Variants in SLC38A3 observed in about 807,000 individuals in gnomAD.
SLC38A3 encodes sodium-coupled neutral amino acid transporter 3.
Under a neutral mutation model 59.5 loss-of-function variants are expected in SLC38A3, and 17 were observed. That is an observed-to-expected ratio of 0.29 (90% CI 0.20 to 0.43). The LOEUF (loss-of-function observed/expected upper bound fraction) is 0.43, where lower values mean the gene tolerates loss of function less well. SLC38A3 is among the 20% of genes least tolerant of loss of function. The pLI, the probability that SLC38A3 is intolerant of heterozygous loss-of-function variation, is 1.00. For missense variants in SLC38A3, 454 were observed against 653.9 expected, an observed-to-expected ratio of 0.69 and a Z score of 3.33; for synonymous variants, 238 against 260.3, an observed-to-expected ratio of 0.91 and a Z score of 0.82.
rs535892858 is a variant in SLC38A3, at chr3:50,209,168, C to T, written c.-52+3820C>T. Among the ~76,000 whole-genome samples, 13 of 152,336 alleles carry T rather than the reference C, an allele frequency of 8.5e-5. No individual in the cohort carries two copies. The South Asian group carries it at 2.1e-3, about 24-fold the overall frequency. ...TGCCTCAGCTGGGCCTCCGGCTGCA[C>T]GTCCTTCTCAGCAGGCTGGCAATGG... On this transcript the variant is annotated intron_variant, in intron 1 of 15. Coordinates refer to ENST00000614032, the MANE Select transcript of SLC38A3 (RefSeq NM_006841.6).
At chr3:50,213,290 C>G (rs1354776535) in intron 1 of SLC38A3, among the ~76,000 whole-genome samples, 1 of 152,028 alleles carries the variant, frequency 6.6e-6, no homozygotes. Context: ...TCCTGGACAG[C>G]GGGCCCCTGA....
At chr3:50,213,063 G>A (rs943184435) in intron 1 of SLC38A3, among the ~76,000 whole-genome samples, 10 of 152,204 alleles carry the variant, frequency 6.6e-5, no homozygotes, top group Non-Finnish European at 1.0e-4. Context: ...GGCAATTCCT[G>A]GACCCAGTGA....
In SLC38A3 at chr3:50,214,412, C is replaced by A. The variant is rs924876703; in HGVS notation, c.112C>A (p.Pro38Thr). ...PMAGNQRVED[P>T]ARSCMEGKSF... ...GACCTGTGCCTACAGGGTCGAGGAC[C>A]CTGCACGGAGCTGTATGGAGGGCAA... Residue 38 changes from proline (P) to threonine (T), a missense_variant, in exon 3 of 16, where the codon CCT becomes ACT. Pro to Thr is a conservative substitution (Grantham distance 38, BLOSUM62 -1). Coordinates refer to ENST00000614032, the MANE Select transcript of SLC38A3 (RefSeq NM_006841.6). The surrounding 1 kb of genome is among the most constrained non-coding windows in gnomAD (Gnocchi z 6.0). 5.0e-6 allele frequency: 8 copies of A among 1,587,420 alleles called. No individual in the cohort carries two copies. The highest frequency in any genetic ancestry group is 1.8e-5 in the Admixed American group (1 of 55,088).
In SLC38A3 at chr3:50,214,427, A is replaced by G. The variant is rs1227590540; in HGVS notation, c.127A>G (p.Met43Val). The part of the protein sequence containing the change: ...QRVEDPARSC[M>V]EGKSFLQKSP... ...GGTCGAGGACCCTGCACGGAGCTGT[A>G]TGGAGGGCAAGAGCTTCCTACAGAA... The change falls in exon 3 of 16, where the codon ATG (methionine) becomes GTG (valine). Residue 43 changes from methionine (M) to valine (V), a missense_variant. Physicochemically the swap from Met to Val is conservative, Grantham distance 21. Coordinates refer to ENST00000614032, the MANE Select transcript of SLC38A3 (RefSeq NM_006841.6). The surrounding 1 kb of genome is among the most constrained non-coding windows in gnomAD (Gnocchi z 6.0). 2 of 1,581,374 alleles carry G rather than the reference A, an allele frequency of 1.3e-6. No homozygotes were observed. The highest frequency in any genetic ancestry group is 8.6e-7 in the Non-Finnish European group (1 of 1,163,782).
chr3:50,208,201 C>T (rs1699670671), intron 1 of SLC38A3, among the ~76,000 whole-genome samples: 2 of 152,188 alleles, frequency 1.3e-5, no homozygotes, highest in South Asian at 4.1e-4. Context: ...CAGCTGGGCC[C>T]CCTGGCTCCC....
chr3:50,220,053 C>G lies in SLC38A3; in HGVS notation c.1411-20C>G. On this transcript the variant is annotated intron_variant, in intron 15 of 15. Coordinates refer to ENST00000614032, the MANE Select transcript of SLC38A3 (RefSeq NM_006841.6). ...GAACTGCCCTGACCTCGGACCTGAC[C>G]CTGACTTCTGATTCCACAGGCCCTG... is the stretch of plus-strand genomic sequence containing the variant. 1.2e-6 allele frequency: 2 copies of G among 1,603,090 alleles called. No individual in the cohort carries two copies. Among genetic ancestry groups the G allele is most frequent in the Non-Finnish European group, 1.7e-6 (2 of 1,174,186 alleles).
rs587625542 is a variant in SLC38A3 at position 50,217,725 on chromosome 3, A to G, written c.740A>G (p.Asn247Ser). Reference sequence around the variant, plus strand: ...CCCTGCCCACTGCCCCCCAACTTCAACAACACCACAGGCAACTTCAGCCAC... The same window carrying G: ...CCCTGCCCACTGCCCCCCAACTTCAGCAACACCACAGGCAACTTCAGCCAC... ...HVPCPLPPNF[N>S]NTTGNFSHVE... is the part of the protein sequence containing the mutation. The change falls in exon 10 of 16, where the codon AAC becomes AGC. Residue 247 changes from asparagine to serine, a missense_variant. This residue lies in a region of SLC38A3 where 390 missense variants were observed against 557.9 expected (regional missense o/e 0.70). Transcript: ENST00000614032. The surrounding 1 kb of genome is among the most constrained non-coding windows in gnomAD (Gnocchi z 4.9). 1.1e-5 allele frequency: 18 copies of G among 1,613,834 alleles called. 1 individual carries two copies. The African/African-American group carries it at 1.3e-4, about 12-fold the overall frequency.
In SLC38A3 at chr3:50,214,705, T is replaced by C; in HGVS notation, c.236T>C (p.Ile79Thr). The C allele has an allele frequency of 1.2e-6, 2 of 1,607,826 alleles. No homozygotes were observed. Among genetic ancestry groups the C allele is most frequent in the Non-Finnish European group, 1.7e-6 (2 of 1,176,348 alleles). ...TCAGTGTTCAACCTCAGCAATGCCA[T>C]CATGGGCAGCGGCATCCTGGGACTC... is the stretch of plus-strand genomic sequence containing the variant. ...GMSVFNLSNA[I>T]MGSGILGLAY... Residue 79 changes from isoleucine (I) to threonine (T), a missense_variant, in exon 4 of 16, where the codon ATC (isoleucine) becomes ACC (threonine). By Grantham distance (89) the Ile-to-Thr change is moderately conservative. Around this residue, in one of 3 missense-constraint regions of SLC38A3, gnomAD observed 390 missense variants for 557.9 expected, o/e 0.70. Transcript: ENST00000614032. The surrounding 1 kb of genome is among the most constrained non-coding windows in gnomAD (Gnocchi z 6.0).
In SLC38A3 at chr3:50,216,900, G is replaced by A. The variant is rs188590165; in HGVS notation, c.549-338G>A. Reference sequence around the variant, plus strand: ...TGATTCTCCTGCCTCAGTCTCCTGAGTAGCTGAGATTATAGGCGTGTGCCA... The same window carrying A: ...TGATTCTCCTGCCTCAGTCTCCTGAATAGCTGAGATTATAGGCGTGTGCCA... On this transcript the variant is annotated intron_variant, in intron 7 of 15. Transcript: ENST00000614032. 9.9e-4 allele frequency among the ~76,000 whole-genome samples: 151 copies of A among 152,328 alleles called. 1 individual carries two copies. The Middle Eastern group carries it at 0.031, about 31-fold the overall frequency.
In SLC38A3 at chr3:50,218,695, C is replaced by T; in HGVS notation, c.1139C>T (p.Thr380Ile). The T allele has an allele frequency of 6.2e-7, 1 of 1,612,144 alleles. No homozygotes were observed. Among genetic ancestry groups the T allele is most frequent in the Non-Finnish European group, 8.5e-7 (1 of 1,178,340 alleles). Residue 380 changes from threonine to isoleucine, a missense_variant, in exon 13 of 16, where the codon ACA (threonine) becomes ATA (isoleucine). Physicochemically the swap from Thr to Ile is moderately conservative, Grantham distance 89 (BLOSUM62 -1). Transcript: ENST00000614032. The surrounding 1 kb of genome is among the most constrained non-coding windows in gnomAD (Gnocchi z 5.8). Reference protein sequence around the residue: ...RVAVLTAVTLTVPIVLFPVRR... With the variant: ...RVAVLTAVTLIVPIVLFPVRR... ...GCCGTGCTGACAGCAGTCACGCTCA[C>T]AGTGCCCATCGTTCTGTTCCCGGTG...
In SLC38A3 at chr3:50,214,040, T is replaced by C. The variant is rs1290609320; in HGVS notation, c.-51-109T>C. 9 of 643,968 alleles carry C rather than the reference T, an allele frequency of 1.4e-5. No individual in the cohort carries two copies. The highest frequency in any genetic ancestry group is 8.3e-6 in the Non-Finnish European group (3 of 363,042). The allele number at this position is 643,968 out of a possible 1,614,324, so 39.9% of individuals were successfully genotyped here. A position where few individuals can be genotyped will look rare whatever the true frequency, so the allele number is the denominator to read the frequency against. On this transcript the variant is annotated intron_variant, in intron 1 of 15. Coordinates refer to ENST00000614032, the MANE Select transcript of SLC38A3 (RefSeq NM_006841.6). This position sits in a 1 kb window ranked among gnomAD's most constrained non-coding sequence, Gnocchi z 6.0. ...GTAGGCAGAGCTGCATGTGTGGATA[T>C]GCCCCGAGTGACCATCTGGGAGGTG...
intron 14 of SLC38A3, 78 bp from the exon 15 acceptor site, chr3:50,219,803 C>T (rs1178591715): frequency 1.5e-5 from 18 of 1,184,570 alleles, no homozygotes; most frequent in South Asian, 2.7e-5. Flanking sequence ...AGTGTTTGAT[C>T]TCATTGAAGA....
rs1450180738 is a variant in SLC38A3 at position 50,215,858 on chromosome 3, G to A, written c.548+37G>A. 13 of 868,130 alleles carry A rather than the reference G, an allele frequency of 1.5e-5. No homozygotes were observed. The highest frequency in any genetic ancestry group is 2.9e-5 in the East Asian group (1 of 34,720). The allele number at this position is 868,130 out of a possible 1,614,324, so 53.8% of individuals were successfully genotyped here. A position where few individuals can be genotyped will look rare whatever the true frequency, so the allele number is the denominator to read the frequency against. On this transcript the variant is annotated intron_variant, in intron 7 of 15. Coordinates refer to ENST00000614032, the MANE Select transcript of SLC38A3 (RefSeq NM_006841.6). This position sits in a 1 kb window ranked among gnomAD's most constrained non-coding sequence, Gnocchi z 7.1. ...CGTGGGGAGGGGAGGGGAGGGGTGCGGTGCAGTGAGGAGGGGTGGGGTGGG... is the reference window on the plus strand; with the variant it reads ...CGTGGGGAGGGGAGGGGAGGGGTGCAGTGCAGTGAGGAGGGGTGGGGTGGG...
At chr3:50,213,204 C>T (rs114561902) in intron 1 of SLC38A3, among the ~76,000 whole-genome samples, 1 of 152,244 alleles carries the variant, frequency 6.6e-6, no homozygotes, top group Non-Finnish European at 1.5e-5. Context: ...GTGACCCAGG[C>T]TCCTCTACAG....
rs1490466621 is a variant in SLC38A3 at position 50,214,968 on chromosome 3, C to T, written c.299+200C>T. ...CTGCCCAGTAAACCGACTGAGGTCA[C>T]AACACAGGCCGGTCTTACAGGCCAG... On this transcript the variant is annotated intron_variant, in intron 4 of 15. Transcript: ENST00000614032. The surrounding 1 kb of genome is among the most constrained non-coding windows in gnomAD (Gnocchi z 6.0). 4.9e-6 allele frequency: 3 copies of T among 606,316 alleles called. No individual in the cohort carries two copies. The highest frequency in any genetic ancestry group is 8.7e-6 in the Non-Finnish European group (3 of 342,964). The allele number at this position is 606,316 out of a possible 1,614,324, so 37.6% of individuals were successfully genotyped here.
In SLC38A3 at chr3:50,217,359, G is replaced by A. The variant is rs1699832766; in HGVS notation, c.631+39G>A. 6.2e-7 allele frequency: 1 copy of A among 1,611,338 alleles called. No homozygotes were observed. Among genetic ancestry groups the A allele is most frequent in the Non-Finnish European group, 8.5e-7 (1 of 1,178,294 alleles). On this transcript the variant is annotated intron_variant, in intron 8 of 15. Transcript: ENST00000614032. This position sits in a 1 kb window ranked among gnomAD's most constrained non-coding sequence, Gnocchi z 4.9. ...GGTCAGAGCCTTGGAGGGGATGTTG[G>A]AGGCATACACCATGGGAGGGGCCCC...
intron 7 of SLC38A3, among the ~76,000 whole-genome samples, chr3:50,216,095 C>T (rs1365284286): frequency 2.0e-5 from 3 of 152,212 alleles, no homozygotes; most frequent in South Asian, 2.1e-4. Context: ...CTCCTCACCC[C>T]GGACCCAGCC....
chr3:50,218,810 C>T lies in SLC38A3; in HGVS notation c.1168C>T (p.Arg390Cys), dbSNP rs587700117. 76 of 1,607,088 alleles carry T rather than the reference C, an allele frequency of 4.7e-5. 1 individual carries two copies. In the East Asian group the frequency reaches 1.4e-3, roughly 30 times the overall value. Residue 390 changes from arginine to cysteine, a missense_variant, in exon 14 of 16, where the codon CGC (arginine) becomes TGC (cysteine). This residue lies in a region of SLC38A3 where 390 missense variants were observed against 557.9 expected (regional missense o/e 0.70). Transcript: ENST00000614032. The surrounding 1 kb of genome is among the most constrained non-coding windows in gnomAD (Gnocchi z 5.8). ...TVPIVLFPVR[R>C]AIQQMLFPNQ... The stretch of plus-strand genomic sequence containing the variant: ...CTTCTCACCTGCCCCCCAGGTGCGC[C>T]GCGCCATCCAGCAGATGCTGTTTCC...
At position 50,214,178 on chromosome 3, in the gene SLC38A3, T is replaced by G; in HGVS notation, c.-22T>G. On this transcript the variant is annotated 5_prime_UTR_variant, in exon 2 of 16. Coordinates refer to ENST00000614032, the MANE Select transcript of SLC38A3 (RefSeq NM_006841.6). This position sits in a 1 kb window ranked among gnomAD's most constrained non-coding sequence, Gnocchi z 6.0. ...CTGACTGTTGGTGTGAGACCAGTGC[T>G]CCTGGTGGTGTGCCCTGAGCCATGG... The G allele has an allele frequency of 5.0e-6, 8 of 1,604,300 alleles. No individual in the cohort carries two copies. Among genetic ancestry groups the G allele is most frequent in the Non-Finnish European group, 6.8e-6 (8 of 1,172,562 alleles).
Sources: gnomAD v4.1 joint callset for allele counts (sites outside exome capture counted in the v4.1 genomes callset) on GRCh38, gnomAD v4.1.1 for gene constraint, gnomAD v4.1.1 regional missense constraint, Gnocchi (gnomAD v3.1) non-coding constraint, MANE v1.5 for transcripts, NCBI Gene and HGNC (gene_info 2026-07-23, HGNC 2026-07-21) for gene names.